The following PTPRN2 variants were observed in gnomAD, a reference collection of about 807,000 sequenced individuals.
PTPRN2 encodes the protein protein tyrosine phosphatase receptor type N2.
In PTPRN2, 74 loss-of-function variants were observed where a neutral mutation model predicts 118.8. The ratio of observed to expected loss-of-function variants is 0.62; its 90% CI spans 0.52 to 0.76. PTPRN2 has a LOEUF of 0.76. Ranked by LOEUF, PTPRN2 falls within the 30% of genes least tolerant of loss-of-function variation. The probability of loss-of-function intolerance (pLI) is 0.00; values close to 1 mark genes in which losing one functional copy is unlikely to be tolerated. For missense variants in PTPRN2, 1,481 were observed against 1,394.4 expected, an observed-to-expected ratio of 1.06 and a Z score of -0.99; for synonymous variants, 641 against 608.0, an observed-to-expected ratio of 1.05 and a Z score of -0.80.
At chr7:158,572,503 A>C (rs1403816545) in intron 1 of PTPRN2, among the ~76,000 whole-genome samples, 1 of 152,186 alleles carries the variant, frequency 6.6e-6, no homozygotes, top group Non-Finnish European at 1.5e-5. Context: ...TTCTGGGTGC[A>C]GCCTGCTGGG....
intron 12 of PTPRN2, among the ~76,000 whole-genome samples, chr7:157,767,756 A>G (rs565982632): frequency 1.8e-4 from 27 of 151,952 alleles, no homozygotes; most frequent in African/African-American, 6.3e-4. Flanking sequence ...AGGCGGTGGG[A>G]ACCAGTGGTC....
At position 158,208,094 on chromosome 7, in the gene PTPRN2, G is replaced by A. The variant is rs146857072; in HGVS notation, c.278-2821C>T. On this transcript the variant is annotated intron_variant, in intron 3 of 22. Transcript: ENST00000389418. Reference sequence around the variant, plus strand: ...AAGACTGGCTAGTTGAAAATATGCCGTCAGAGGAGACCAAAGAAAAAAGGA... The same window carrying A: ...AAGACTGGCTAGTTGAAAATATGCCATCAGAGGAGACCAAAGAAAAAAGGA... 2.3e-4 allele frequency among the ~76,000 whole-genome samples: 35 copies of A among 152,198 alleles called. No homozygotes were observed. The Middle Eastern group carries it at 0.01, about 44-fold the overall frequency.
intron 6 of PTPRN2, among the ~76,000 whole-genome samples, chr7:158,153,533 T>C (rs955852757): frequency 3.9e-5 from 6 of 152,110 alleles, no homozygotes; most frequent in South Asian, 2.1e-4. Flanking sequence ...CCCTAGAGGT[T>C]TGAGCAGCGG....
chr7:157,587,444 T>C lies in PTPRN2; in HGVS notation c.2496+7794A>G, dbSNP rs1351778724. On this transcript the variant is annotated intron_variant, in intron 17 of 22. Coordinates refer to ENST00000389418, the MANE Select transcript of PTPRN2 (RefSeq NM_002847.5). This position sits in a 1 kb window ranked among gnomAD's most constrained non-coding sequence, Gnocchi z 5.3. ...GTCTTCCACAGTTCCAAGTTCAGGA[T>C]TTTTTCTTAACCATAGTAAGAACTA... 6.6e-6 allele frequency among the ~76,000 whole-genome samples: 1 copy of C among 152,150 alleles called. No individual in the cohort carries two copies. The highest frequency in any genetic ancestry group is 2.4e-5 in the African/African-American group (1 of 41,410).
chr7:158,296,621 A>G (rs1586161373), intron 3 of PTPRN2, among the ~76,000 whole-genome samples: 1 of 151,976 alleles, frequency 6.6e-6, no homozygotes, highest in Non-Finnish European at 1.5e-5. Context: ...GTAAGCATTC[A>G]CCCCTAGACA....
intron 12 of PTPRN2, among the ~76,000 whole-genome samples, chr7:157,884,694 C>A (rs1204499321): frequency 6.6e-6 from 1 of 152,216 alleles, no homozygotes; most frequent in Admixed American, 6.5e-5. Flanking sequence ...AGAGCATGTG[C>A]AGGGAAACTG....
At chr7:158,344,638 C>T (rs534268270) in intron 2 of PTPRN2, among the ~76,000 whole-genome samples, 5 of 152,086 alleles carry the variant, frequency 3.3e-5, no homozygotes, top group Non-Finnish European at 7.4e-5. Flanking sequence ...TCAAAGAGGT[C>T]CCACACGTAA....
At chr7:157,918,731 T>C (rs949692561) in intron 11 of PTPRN2, among the ~76,000 whole-genome samples, 1 of 152,192 alleles carries the variant, frequency 6.6e-6, no homozygotes, top group Non-Finnish European at 1.5e-5. Flanking sequence ...GATTAGATTA[T>C]AAAATTCCAG....
At chr7:158,464,097 C>T (rs1420006052) in intron 2 of PTPRN2, among the ~76,000 whole-genome samples, 6 of 77,528 alleles carry the variant, frequency 7.7e-5, no homozygotes, top group African/African-American at 3.1e-4. Context: ...CTTACCATCG[C>T]CATCATTGCC....
intron 2 of PTPRN2, among the ~76,000 whole-genome samples, chr7:158,485,359 C>T: frequency 6.8e-6 from 1 of 147,750 alleles, no homozygotes; most frequent in East Asian, 2.1e-4. Context: ...GCCCCTCCTG[C>T]TCGGCCACCC....
chr7:157,630,659 C>T (rs1317478402), intron 14 of PTPRN2, among the ~76,000 whole-genome samples: 1 of 152,212 alleles, frequency 6.6e-6, no homozygotes, highest in Admixed American at 6.5e-5. Context: ...CCATGGCAGC[C>T]AACTCGAAGT....
At chr7:158,155,806 C>CA (rs1821768300) in intron 6 of PTPRN2, among the ~76,000 whole-genome samples, 2 of 150,866 alleles carry the variant, frequency 1.3e-5, no homozygotes, top group Admixed American at 6.6e-5. Context: ...CCATCATCAT[C>CA]ACCACCATCA....
At chr7:157,592,668 C>T (rs1348901575) in intron 17 of PTPRN2, among the ~76,000 whole-genome samples, 1 of 150,200 alleles carries the variant, frequency 6.7e-6, no homozygotes, top group East Asian at 2.0e-4. Context: ...GATGTGGCAC[C>T]TGCTGAACCG....
chr7:157,832,441 T>C (rs991130202), intron 12 of PTPRN2, among the ~76,000 whole-genome samples: 2 of 152,096 alleles, frequency 1.3e-5, no homozygotes, highest in Non-Finnish European at 2.9e-5. Flanking sequence ...TTTGGGAAGG[T>C]GGAAGTCAAG....
At chr7:157,814,534 G>T (rs1373799451) in intron 12 of PTPRN2, among the ~76,000 whole-genome samples, 1 of 138,992 alleles carries the variant, frequency 7.2e-6, no homozygotes, top group African/African-American at 2.6e-5. Context: ...ACAGGCGGGG[G>T]CAGGACAGAG....
intron 12 of PTPRN2, among the ~76,000 whole-genome samples, chr7:157,748,409 C>CAT (rs1801168312): frequency 2.6e-5 from 2 of 77,250 alleles, no homozygotes; most frequent in Admixed American, 1.4e-4. Flanking sequence ...CCCTGAGCTG[C>CAT]GGGGTTTCTC....
intron 12 of PTPRN2, among the ~76,000 whole-genome samples, chr7:157,768,499 G>A (rs1351790835): frequency 2.0e-5 from 3 of 152,116 alleles, no homozygotes; most frequent in East Asian, 1.9e-4. Flanking sequence ...GAGAGCACGC[G>A]GCCGCAACAC....
At chr7:157,568,832 C>T (rs943076119) in intron 21 of PTPRN2, 70 bp downstream of exon 21, 1 of 1,471,814 alleles carries the variant, frequency 6.8e-7, no homozygotes, top group East Asian at 2.3e-5. Flanking sequence ...GTGAACACGG[C>T]ACCCTACGTT....
At chr7:158,540,634 C>G (rs114993232) in intron 1 of PTPRN2, among the ~76,000 whole-genome samples, 5 of 152,200 alleles carry the variant, frequency 3.3e-5, no homozygotes, top group Admixed American at 3.3e-4. Flanking sequence ...CACATCCAGA[C>G]GAGACCACAA....
Sources: gnomAD v4.1 joint callset for allele counts (sites outside exome capture counted in the v4.1 genomes callset) on GRCh38, gnomAD v4.1.1 for gene constraint, Gnocchi (gnomAD v3.1) non-coding constraint, MANE v1.5 for transcripts, NCBI Gene and HGNC (gene_info 2026-07-23, HGNC 2026-07-21) for gene names.